The following MAD1L1 variants were observed in gnomAD, a reference collection of about 807,000 sequenced individuals.
MAD1L1 encodes mitotic arrest deficient 1 like 1.
A neutral mutation model predicts 96.9 loss-of-function variants in MAD1L1; 95 were observed. The observed-to-expected ratio is 0.98, with a 90% CI of 0.83 to 1.16. The LOEUF (loss-of-function observed/expected upper bound fraction) is 1.16. MAD1L1 is among the 50% of genes most tolerant of loss of function. The pLI is 0.00. For synonymous variants in MAD1L1, 473 were observed against 396.6 expected, an observed-to-expected ratio of 1.19 and a Z score of -2.29; for missense variants, 1,007 against 954.4, an observed-to-expected ratio of 1.06 and a Z score of -0.73.
intron 11 of MAD1L1, among the ~76,000 whole-genome samples, chr7:2,136,575 C>G (rs1240175022): frequency 6.6e-6 from 1 of 152,230 alleles, no homozygotes; most frequent in Non-Finnish European, 1.5e-5. Context: ...CACCCTCCCT[C>G]AGACCAAGTG....
At chr7:2,132,810 T>C (rs1441037826) in intron 11 of MAD1L1, among the ~76,000 whole-genome samples, 2 of 152,228 alleles carry the variant, frequency 1.3e-5, no homozygotes, top group African/African-American at 4.8e-5. Context: ...ACTGTTACTG[T>C]GTGGTTCCCG....
intron 16 of MAD1L1, among the ~76,000 whole-genome samples, chr7:1,955,687 G>A (rs1318961803): frequency 6.6e-6 from 1 of 152,176 alleles, no homozygotes; most frequent in East Asian, 1.9e-4. Context: ...TAGTGCGCAG[G>A]CCCCTCCCCC....
At chr7:1,899,498 G>A (rs906022959) in intron 17 of MAD1L1, among the ~76,000 whole-genome samples, 23 of 152,198 alleles carry the variant, frequency 1.5e-4, no homozygotes, top group African/African-American at 5.5e-4. Context: ...TGCTGTAGGC[G>A]CCCACAACCA....
chr7:2,217,836 A>C (rs1793374062), intron 7 of MAD1L1, 126 bp downstream of exon 7: 1 of 786,470 alleles, frequency 1.3e-6, no homozygotes, highest in Non-Finnish European at 2.2e-6. Flanking sequence ...TGCCCAACAC[A>C]CAGGGCAGCA....
chr7:2,216,298 C>T lies in MAD1L1; in HGVS notation c.679-11G>A. On this transcript the variant is annotated splice_polypyrimidine_tract_variant and intron_variant, in intron 7 of 18. Transcript: ENST00000265854. ...CTTCTGCTCCAGATCCTGATGGAGG[C>T]CAGGGACAGAGAAGAAGGGAAAAAT... The T allele has an allele frequency of 6.2e-7, 1 of 1,611,312 alleles. No homozygotes were observed.
At chr7:1,885,530 C>A (rs12538674) in intron 18 of MAD1L1, among the ~76,000 whole-genome samples, 1 of 151,972 alleles carries the variant, frequency 6.6e-6, no homozygotes, top group Non-Finnish European at 1.5e-5. Flanking sequence ...AGATTTCAGG[C>A]GAATGTGTGA....
intron 1 of MAD1L1, among the ~76,000 whole-genome samples, 189 bp downstream of exon 1, chr7:2,232,683 G>A (rs1371573854): frequency 6.6e-6 from 1 of 152,174 alleles, no homozygotes; most frequent in Non-Finnish European, 1.5e-5. Flanking sequence ...GGGAGAGGAG[G>A]GGAGAGCACA....
At chr7:1,967,257 T>C (rs925435693) in intron 15 of MAD1L1, among the ~76,000 whole-genome samples, 3 of 152,140 alleles carry the variant, frequency 2.0e-5, no homozygotes, top group East Asian at 1.9e-4. Context: ...GACTGAGAAA[T>C]AGTCAGATGC....
intron 17 of MAD1L1, among the ~76,000 whole-genome samples, chr7:1,933,694 T>C (rs1252834450): frequency 6.6e-6 from 1 of 152,218 alleles, no homozygotes; most frequent in African/African-American, 2.4e-5. Context: ...ACTTTAAGTA[T>C]CACTGCTCCA....
intron 12 of MAD1L1, among the ~76,000 whole-genome samples, chr7:2,054,534 G>T (rs1784311668): frequency 6.6e-6 from 1 of 152,166 alleles, no homozygotes; most frequent in Non-Finnish European, 1.5e-5. Context: ...TAATAACTGT[G>T]CAAATGGCTT....
chr7:1,839,251 G>A (rs1261652662), intron 18 of MAD1L1, among the ~76,000 whole-genome samples: 43 of 152,222 alleles, frequency 2.8e-4, no homozygotes, highest in African/African-American at 1.2e-4. Context: ...GCCCGGGGTC[G>A]AGGTGGTGGT....
intron 13 of MAD1L1, among the ~76,000 whole-genome samples, chr7:2,008,763 G>A (rs867033707): frequency 9.1e-5 from 12 of 131,752 alleles, no homozygotes; most frequent in South Asian, 2.6e-4. Flanking sequence ...CAGACACGCA[G>A]GAAGCTCAGG....
chr7:2,089,971 C>G (rs1376226457), intron 11 of MAD1L1, among the ~76,000 whole-genome samples: 1 of 152,214 alleles, frequency 6.6e-6, no homozygotes, highest in Non-Finnish European at 1.5e-5. Flanking sequence ...GAACACCAAC[C>G]CTAGTGATGT....
chr7:1,961,547 A>G (rs1329479724), intron 15 of MAD1L1, among the ~76,000 whole-genome samples: 1 of 152,250 alleles, frequency 6.6e-6, no homozygotes, highest in Non-Finnish European at 1.5e-5. Context: ...AAGAATTAAA[A>G]TCTTGTACAA....
intron 17 of MAD1L1, among the ~76,000 whole-genome samples, chr7:1,912,414 G>C (rs1788078910): frequency 6.6e-6 from 1 of 152,248 alleles, no homozygotes; most frequent in South Asian, 2.1e-4. Flanking sequence ...GCAGGCGGCA[G>C]GTGTGGGCAC....
At chr7:1,904,826 A>G (rs1312145477) in intron 17 of MAD1L1, among the ~76,000 whole-genome samples, 4 of 91,092 alleles carry the variant, frequency 4.4e-5, no homozygotes, top group East Asian at 6.3e-4. Context: ...GTTCCAGGCA[A>G]GCGAGGACGC....
At chr7:1,874,560 A>T (rs1785278241) in intron 18 of MAD1L1, 2 of 454,298 alleles carry the variant, frequency 4.4e-6, no homozygotes, top group Non-Finnish European at 8.8e-6. Flanking sequence ...AAAAAAAAAT[A>T]AAAGCGCTGT....
intron 12 of MAD1L1, among the ~76,000 whole-genome samples, chr7:2,044,291 T>C (rs115063129): frequency 0.02 from 3,032 of 152,252 alleles, 104 homozygotes; most frequent in African/African-American, 0.069. Context: ...GCAACGAAAC[T>C]GAGACACAGA....
intron 10 of MAD1L1, among the ~76,000 whole-genome samples, chr7:2,171,198 G>A (rs1199345766): frequency 1.3e-5 from 2 of 152,210 alleles, no homozygotes; most frequent in Non-Finnish European, 2.9e-5. Flanking sequence ...TGCGTATCGT[G>A]CCAGCAGAGC....
Sources: gnomAD v4.1 joint callset for allele counts (sites outside exome capture counted in the v4.1 genomes callset) on GRCh38, gnomAD v4.1.1 for gene constraint, MANE v1.5 for transcripts, NCBI Gene and HGNC (gene_info 2026-07-23, HGNC 2026-07-21) for gene names.